The following LAMA1 variants were observed in gnomAD, a reference collection of about 807,000 sequenced individuals.
LAMA1 encodes the protein laminin subunit alpha 1, also known as laminin subunit alpha-1.
In LAMA1, 219 loss-of-function variants were observed where a neutral mutation model predicts 348.7. The observed-to-expected ratio is 0.63, with a 90% CI of 0.56 to 0.70. The LOEUF is 0.70. Ranked by LOEUF, LAMA1 falls within the 30% of genes least tolerant of loss-of-function variation. LAMA1 has a pLI of 0.00. For synonymous variants in LAMA1, 1,487 were observed against 1,491.0 expected (o/e 1.00, Z 0.06); for missense variants, 3,744 against 3,888.0 (o/e 0.96, Z 0.99).
intron 1 of LAMA1, among the ~76,000 whole-genome samples, chr18:7,098,216 C>A (rs1439421842): frequency 5.8e-4 from 85 of 147,654 alleles, no homozygotes; most frequent in Admixed American, 1.0e-3. Flanking sequence ...CACCTCCCAG[C>A]CGCCTGCCTT....
intron 1 of LAMA1, 43 bp downstream of exon 1, chr18:7,117,617 C>T (rs1410467885): frequency 6.3e-7 from 1 of 1,583,398 alleles, no homozygotes; most frequent in Non-Finnish European, 8.5e-7. Context: ...CCCGCCCGCC[C>T]GCCTGCGGGG....
chr18:7,089,594 C>G (rs138427950), intron 1 of LAMA1, among the ~76,000 whole-genome samples: 7 of 152,254 alleles, frequency 4.6e-5, no homozygotes, highest in Non-Finnish European at 8.8e-5. Context: ...AATGACCTGG[C>G]GTGGGCCTGG....
intron 48 of LAMA1, among the ~76,000 whole-genome samples, chr18:6,967,638 G>A (rs894476212): frequency 6.6e-6 from 1 of 152,150 alleles, no homozygotes; most frequent in Non-Finnish European, 1.5e-5. Context: ...GGAGGTCCTC[G>A]ATGGGCCGGT....
At position 6,977,878 on chromosome 18, in the gene LAMA1, A is replaced by G. The variant is rs1342352227; in HGVS notation, c.6194T>C (p.Leu2065Pro). The change falls in exon 44 of 63, where the codon CTG becomes CCG. Residue 2065 changes from leucine (L) to proline (P), a missense_variant. Leu to Pro is a moderately conservative substitution (Grantham distance 98). Coordinates refer to ENST00000389658, the MANE Select transcript of LAMA1 (RefSeq NM_005559.4). Reference protein sequence around the residue: ...QLLQDSTMATLLAGRKVKDVE... With the variant: ...QLLQDSTMATPLAGRKVKDVE... ...GTCTTTGACTTTTCTTCCAGCCAAC[A>G]GAGCTAACAAATACAAGAAGGCAAG... 1.9e-6 allele frequency: 3 copies of G among 1,611,544 alleles called. No individual in the cohort carries two copies. The highest frequency in any genetic ancestry group is 2.7e-5 in the African/African-American group (2 of 74,950).
At chr18:7,053,746 T>C (rs1028757822) in intron 3 of LAMA1, among the ~76,000 whole-genome samples, 1 of 151,496 alleles carries the variant, frequency 6.6e-6, no homozygotes, top group Non-Finnish European at 1.5e-5. Context: ...CCTAAGACAG[T>C]CCTTTTGTTT....
intron 61 of LAMA1, among the ~76,000 whole-genome samples, chr18:6,945,179 G>A (rs1300414522): frequency 6.6e-6 from 1 of 152,120 alleles, no homozygotes; most frequent in Non-Finnish European, 1.5e-5. Flanking sequence ...ACAGGTGTTA[G>A]CCACCATATC....
At position 6,942,232 on chromosome 18, in the gene LAMA1, C is replaced by T; in HGVS notation, c.9075G>A (p.Val3025=). 6.2e-7 allele frequency: 1 copy of T among 1,614,068 alleles called. No homozygotes were observed. The highest frequency in any genetic ancestry group is 8.5e-7 in the Non-Finnish European group (1 of 1,180,040). The change falls in exon 63 of 63, where the codon GTG becomes GTA. Residue 3025 remains valine, a synonymous_variant. Transcript: ENST00000389658. ...TCTGGCTGCGCAGGCATTTTTGCTT[C>T]ACACCAGCTGTTCAGGAAAGAAGAG... is the stretch of plus-strand genomic sequence containing the variant. ...PIYVGGYPAG[V]KQKCLRSQTS... is the part of the protein sequence containing the mutation.
At chr18:7,068,546 T>C (rs1157051179) in intron 3 of LAMA1, among the ~76,000 whole-genome samples, 1 of 152,194 alleles carries the variant, frequency 6.6e-6, no homozygotes, top group African/African-American at 2.4e-5. Flanking sequence ...TCACAGGGGA[T>C]TTTTTAAATA....
At chr18:6,961,872 T>G in intron 52 of LAMA1, 73 bp downstream of exon 52, 2 of 1,563,404 alleles carry the variant, frequency 1.3e-6, no homozygotes, top group Non-Finnish European at 1.8e-6. Flanking sequence ...CACTGGTTTG[T>G]TGTGTTATGA....
intron 42 of LAMA1, among the ~76,000 whole-genome samples, chr18:6,980,018 C>G (rs967898808): frequency 6.7e-6 from 1 of 149,030 alleles, no homozygotes. Context: ...TACTGTAGAC[C>G]CCCCCAAAAA....
chr18:7,115,304 G>A (rs995647777), intron 1 of LAMA1, among the ~76,000 whole-genome samples: 9 of 152,080 alleles, frequency 5.9e-5, no homozygotes, highest in African/African-American at 2.2e-4. Flanking sequence ...AAAAAGAAGG[G>A]ATAGTTTCCA....
intron 1 of LAMA1, among the ~76,000 whole-genome samples, chr18:7,099,364 A>G (rs908160841): frequency 3.9e-5 from 6 of 152,006 alleles, no homozygotes; most frequent in South Asian, 4.2e-4. Context: ...TAGGAAAACC[A>G]GAGACCTTTG....
At position 7,010,332 on chromosome 18, in the gene LAMA1, A is replaced by C; in HGVS notation, c.3741T>G (p.Asp1247Glu). 1 of 1,614,182 alleles carries C rather than the reference A, an allele frequency of 6.2e-7. No homozygotes were observed. The highest frequency in any genetic ancestry group is 1.7e-5 in the Admixed American group (1 of 60,024). Residue 1247 changes from aspartate to glutamate, a missense_variant, in exon 26 of 63, where the codon GAT (aspartate) becomes GAG (glutamate). Around this residue, in one of 3 missense-constraint regions of LAMA1, gnomAD observed 1,529 missense variants for 1,689.4 expected, o/e 0.91. Transcript: ENST00000389658. Reference sequence around the variant, plus strand: ...GCTCAAAATTGGAGGTGCCGACGCCATCCAAAGAATAGAAGGCCACGCTGT... The same window carrying C: ...GCTCAAAATTGGAGGTGCCGACGCCCTCCAAAGAATAGAAGGCCACGCTGT... ...LKYSVAFYSLDGVGTSNFEPQ... is the reference protein window; with the variant it reads ...LKYSVAFYSLEGVGTSNFEPQ...
chr18:6,981,870 T>C (rs559374087), intron 41 of LAMA1, among the ~76,000 whole-genome samples: 2 of 152,330 alleles, frequency 1.3e-5, no homozygotes, highest in Admixed American at 6.5e-5. Flanking sequence ...TTATTTGTTA[T>C]AAAAAATTGT....
At chr18:6,955,774 C>A in intron 56 of LAMA1, 2 of 439,556 alleles carry the variant, frequency 4.6e-6, no homozygotes, top group South Asian at 2.0e-5. Flanking sequence ...GCCTTGCTGT[C>A]CCCCTAGGCC....
intron 33 of LAMA1, among the ~76,000 whole-genome samples, chr18:6,996,332 G>A (rs904427596): frequency 6.6e-6 from 1 of 152,056 alleles, no homozygotes; most frequent in Admixed American, 6.6e-5. Flanking sequence ...ACCTAAGGAA[G>A]TCCTAAGTTT....
Position 6,973,228 on chromosome 18 carries a change from CA to C in LAMA1, c.6624-22del, listed in dbSNP as rs1211598781. On this transcript the variant is annotated intron_variant, in intron 46 of 62. Coordinates refer to ENST00000389658, the MANE Select transcript of LAMA1 (RefSeq NM_005559.4). Reference sequence around the variant, plus strand: ...CAAATCTAAGGGTTACAAAGAATTGCAAAAGAAATTTTCAGAATTTCCAGTC... The same window carrying C: ...CAAATCTAAGGGTTACAAAGAATTGCAAAGAAATTTTCAGAATTTCCAGTC... 3 of 1,612,828 alleles carry C rather than the reference CA, an allele frequency of 1.9e-6. No homozygotes were observed. The Admixed American group carries it at 5.0e-5, about 27-fold the overall frequency.
chr18:6,974,974 G>A lies in LAMA1; in HGVS notation c.6552C>T (p.Ser2184=), dbSNP rs149288175. ...GRVAFLWDLG[S]GSTRLEFPDF... is the part of the protein sequence containing the mutation. ...CTGGAAACTCCAAGCGTGTGGACCC[G>A]GAGCCCAGGTCCCACAGGAAGGCCA... The change falls in exon 46 of 63, where the codon TCC becomes TCT. Residue 2184 remains serine, a synonymous_variant. Transcript: ENST00000389658. 90 of 1,613,932 alleles carry A rather than the reference G, an allele frequency of 5.6e-5. No individual in the cohort carries two copies. The African/African-American group carries it at 7.3e-4, about 13-fold the overall frequency.
At chr18:6,998,179 A>G (rs571519736) in intron 32 of LAMA1, among the ~76,000 whole-genome samples, 2 of 152,280 alleles carry the variant, frequency 1.3e-5, no homozygotes, top group African/African-American at 4.8e-5. Context: ...CAGTAAGCAA[A>G]AGGGTCTTTG....
Sources: gnomAD v4.1 joint callset for allele counts (sites outside exome capture counted in the v4.1 genomes callset) on GRCh38, gnomAD v4.1.1 for gene constraint, gnomAD v4.1.1 regional missense constraint, MANE v1.5 for transcripts, NCBI Gene and HGNC (gene_info 2026-07-23, HGNC 2026-07-21) for gene names.